The following PCDHA3 variants were observed in gnomAD, a reference collection of about 807,000 sequenced individuals.
PCDHA3 encodes the protein protocadherin alpha 3.
In PCDHA3, 41 loss-of-function variants were observed where a neutral mutation model predicts 62.2. That is an observed-to-expected ratio of 0.66 (90% CI 0.51 to 0.86). The LOEUF (loss-of-function observed/expected upper bound fraction) is 0.86. Among genes scored for constraint, PCDHA3 ranks in the 40% least tolerant of loss-of-function variants. The pLI is 0.00. For synonymous variants in PCDHA3, 640 were observed against 555.4 expected, an observed-to-expected ratio of 1.15 and a Z score of -2.14; for missense variants, 1,304 against 1,241.2, an observed-to-expected ratio of 1.05 and a Z score of -0.76.
At chr5:140,829,864 G>A in intron 1 of PCDHA3, 3 of 1,613,940 alleles carry the variant, frequency 1.9e-6, no homozygotes, top group Non-Finnish European at 2.5e-6. Flanking sequence ...GCCAAGTGGT[G>A]GCGAAGGTGC....
intron 1 of PCDHA3, among the ~76,000 whole-genome samples, chr5:140,941,953 C>A (rs1166757165): frequency 6.6e-6 from 1 of 152,054 alleles, no homozygotes; most frequent in Non-Finnish European, 1.5e-5. Flanking sequence ...GTTTTGAAAA[C>A]AATAGTATCT....
At chr5:140,899,479 A>T (rs2067352016) in intron 1 of PCDHA3, among the ~76,000 whole-genome samples, 1 of 152,194 alleles carries the variant, frequency 6.6e-6, no homozygotes, top group Non-Finnish European at 1.5e-5. Flanking sequence ...TTCTGTTTAT[A>T]TGCTGGATTA....
At chr5:140,824,515 G>T in intron 1 of PCDHA3, 1 of 226,310 alleles carries the variant, frequency 4.4e-6, no homozygotes, top group Non-Finnish European at 8.5e-6. Context: ...GCAGTGATCT[G>T]ATCATAGCTC....
At chr5:140,877,438 G>A (rs1554169741) in intron 1 of PCDHA3, 1 of 1,613,892 alleles carries the variant, frequency 6.2e-7, no homozygotes, top group South Asian at 1.1e-5. Context: ...GGACCACGGT[G>A]AGCCCGCGCT....
intron 1 of PCDHA3, among the ~76,000 whole-genome samples, chr5:140,918,975 T>C (rs141194276): frequency 6.6e-6 from 1 of 152,310 alleles, no homozygotes; most frequent in East Asian, 1.9e-4. Flanking sequence ...ATCGTTTAGG[T>C]TAGTTGGTTT....
At chr5:140,887,431 A>C (rs2061444829) in intron 1 of PCDHA3, among the ~76,000 whole-genome samples, 1 of 152,112 alleles carries the variant, frequency 6.6e-6, no homozygotes, top group African/African-American at 2.4e-5. Context: ...AAGTATTTTC[A>C]CTGGGCATAG....
rs892863974 is a variant in PCDHA3, at chr5:140,802,917, G to T, written c.1720G>T (p.Gly574Cys). 2.5e-6 allele frequency: 4 copies of T among 1,613,786 alleles called. No individual in the cohort carries two copies. The Admixed American group carries it at 5.0e-5, about 20-fold the overall frequency. The change falls in exon 1 of 4, where the codon GGT (glycine) becomes TGT (cysteine). Residue 574 changes from glycine (G) to cysteine (C), a missense_variant. By Grantham distance (159) the Gly-to-Cys change is radical. Coordinates refer to ENST00000522353, the MANE Select transcript of PCDHA3 (RefSeq NM_018906.3). ...GCTGATGCCTCGGGTGGGTGGCATC[G>T]GTGGCGCAGTGAGCGAGCTGGTGCC... ...ALLMPRVGGI[G>C]GAVSELVPRS...
chr5:141,011,288 T>C lies in PCDHA3; in HGVS notation c.*1351T>C, dbSNP rs1379355395. 1 of 153,798 alleles carries C rather than the reference T, an allele frequency of 6.5e-6. No individual in the cohort carries two copies. Among genetic ancestry groups the C allele is most frequent in the Non-Finnish European group, 1.5e-5 (1 of 68,050 alleles). The allele number at this position is 153,798 out of a possible 1,614,324, so 9.5% of individuals were successfully genotyped here. A position where few individuals can be genotyped will look rare whatever the true frequency, so the allele number is the denominator to read the frequency against. On this transcript the variant is annotated 3_prime_UTR_variant, in exon 4 of 4. Transcript: ENST00000522353. ...CTTCTCTTTGGTTTAGTTTTCCTTT[T>C]CTATAACACTCTGAATTGCTAATCT... is the stretch of plus-strand genomic sequence containing the variant.
chr5:140,926,828 C>T (rs2083578925), intron 1 of PCDHA3: 1 of 1,501,376 alleles, frequency 6.7e-7, no homozygotes, highest in African/African-American at 1.4e-5. Flanking sequence ...TCCAGGAGTC[C>T]GGAGCATGGT....
chr5:140,869,392 G>T, intron 1 of PCDHA3: 1 of 1,614,164 alleles, frequency 6.2e-7, no homozygotes, highest in Non-Finnish European at 8.5e-7. Flanking sequence ...GGAGCTGTGC[G>T]GGCAGAGCGC....
chr5:140,836,008 T>C (rs2150250526), intron 1 of PCDHA3: 4 of 1,613,236 alleles, frequency 2.5e-6, no homozygotes, highest in Non-Finnish European at 3.4e-6. Flanking sequence ...GATGCGGGCG[T>C]GCCGCCTCTG....
intron 1 of PCDHA3, chr5:140,862,653 G>A: frequency 1.8e-6 from 1 of 544,670 alleles, no homozygotes; most frequent in Non-Finnish European, 3.7e-6. Context: ...TGTCCGCGCG[G>A]GACCGGGACG....
chr5:140,978,680 T>C (rs2096816388), intron 1 of PCDHA3, among the ~76,000 whole-genome samples: 1 of 152,240 alleles, frequency 6.6e-6, no homozygotes, highest in Non-Finnish European at 1.5e-5. Context: ...CAGACATGTA[T>C]TGGGCAAGGC....
At chr5:140,928,165 C>T (rs1554205580) in intron 1 of PCDHA3, 3 of 1,614,200 alleles carry the variant, frequency 1.9e-6, no homozygotes, top group East Asian at 2.2e-5. Context: ...CTCACCCCCA[C>T]TTAGCACCCG....
At chr5:140,848,426 G>A in intron 1 of PCDHA3, 1 of 1,449,988 alleles carries the variant, frequency 6.9e-7, no homozygotes, top group Non-Finnish European at 9.4e-7. Context: ...GAATGGGACT[G>A]ACGAAATCAG....
chr5:140,828,737 G>A, intron 1 of PCDHA3: 2 of 1,614,254 alleles, frequency 1.2e-6, no homozygotes, highest in Non-Finnish European at 1.7e-6. Flanking sequence ...GACAGCCACA[G>A]ATGGGGGCAA....
At chr5:140,908,021 C>T (rs958070573) in intron 1 of PCDHA3, among the ~76,000 whole-genome samples, 28 of 152,314 alleles carry the variant, frequency 1.8e-4, no homozygotes, top group African/African-American at 6.7e-4. Flanking sequence ...TGGCTACAGC[C>T]CATTAATCAG....
At chr5:140,895,653 A>G (rs1247218282) in intron 1 of PCDHA3, among the ~76,000 whole-genome samples, 1 of 152,150 alleles carries the variant, frequency 6.6e-6, no homozygotes, top group Non-Finnish European at 1.5e-5. Flanking sequence ...GCTCCCACTT[A>G]TAAGTGAGAA....
intron 1 of PCDHA3, chr5:140,862,334 C>T: frequency 3.0e-6 from 1 of 329,810 alleles, no homozygotes; most frequent in Non-Finnish European, 6.0e-6. Context: ...TGTAATTGAC[C>T]CTAACTTCAG....
Sources: allele counts gnomAD v4.1 joint callset (sites outside exome capture counted in the v4.1 genomes callset), GRCh38; gene constraint gnomAD v4.1.1; transcripts MANE v1.5; gene names NCBI Gene and HGNC (gene_info 2026-07-23, HGNC 2026-07-21).